Variants in NTM observed in about 807,000 individuals in gnomAD.
NTM encodes IgLON family member 2.
NTM carries 13 observed loss-of-function variants against 42.1 expected under a neutral mutation model. That is an observed-to-expected ratio of 0.31 (90% confidence interval 0.20 to 0.49). NTM has a LOEUF of 0.49. NTM is among the 20% of genes least tolerant of loss of function. The pLI, the probability that NTM is intolerant of heterozygous loss-of-function variation, is 0.99. For missense variants in NTM, 373 were observed against 452.8 expected (o/e 0.82, Z 1.60); for synonymous variants, 187 against 179.2 (o/e 1.04, Z -0.35).
chr11:131,910,583 G>T (rs1205426743), intron 1 of NTM, among the ~76,000 whole-genome samples: 1 of 151,070 alleles, frequency 6.6e-6, no homozygotes, highest in Admixed American at 6.6e-5. Flanking sequence ...CTGCTGCCAT[G>T]ACAACCCCGG....
At chr11:131,834,011 G>T (rs1336836405) in intron 1 of NTM, among the ~76,000 whole-genome samples, 1 of 152,138 alleles carries the variant, frequency 6.6e-6, no homozygotes, top group African/African-American at 2.4e-5. Context: ...AGCTTACATA[G>T]CCTCATGGCA....
chr11:132,231,286 G>A (rs114310909), intron 4 of NTM, among the ~76,000 whole-genome samples: 1 of 152,288 alleles, frequency 6.6e-6, no homozygotes, highest in African/African-American at 2.4e-5. Context: ...GTTGGTACAA[G>A]GGCTACCATT....
chr11:132,098,644 C>A (rs1455593777), intron 2 of NTM, among the ~76,000 whole-genome samples: 9 of 152,352 alleles, frequency 5.9e-5, no homozygotes, highest in Non-Finnish European at 1.0e-4. Context: ...GGCTACTAGC[C>A]CATAAAGTGC....
chr11:131,462,960 A>C (rs1311970980), intron 1 of NTM, among the ~76,000 whole-genome samples: 1 of 149,632 alleles, frequency 6.7e-6, no homozygotes, highest in Non-Finnish European at 1.5e-5. Context: ...TGAAAAAAAA[A>C]AAAAGAAGAT....
chr11:131,468,593 G>A (rs1036544037), intron 1 of NTM, among the ~76,000 whole-genome samples: 3 of 150,296 alleles, frequency 2.0e-5, no homozygotes, highest in Non-Finnish European at 2.9e-5. Flanking sequence ...AGTGAAAAAA[G>A]AGAGAAAATA....
chr11:132,020,506 G>A (rs529993119), intron 2 of NTM, among the ~76,000 whole-genome samples: 1 of 151,848 alleles, frequency 6.6e-6, no homozygotes, highest in South Asian at 2.1e-4. Context: ...GTCTATTTGA[G>A]TTAATGTTTA....
intron 3 of NTM, among the ~76,000 whole-genome samples, chr11:132,210,726 C>T (rs563297798): frequency 2.0e-4 from 30 of 152,258 alleles, no homozygotes; most frequent in South Asian, 1.2e-3. Context: ...GACTGGACCC[C>T]GGAAAGAAAC....
chr11:131,710,598 G>C (rs376837005), intron 1 of NTM, among the ~76,000 whole-genome samples: 6 of 152,274 alleles, frequency 3.9e-5, no homozygotes, highest in African/African-American at 1.4e-4. Flanking sequence ...CACTAATGGA[G>C]TGGTTTTCAA....
chr11:131,809,732 G>A (rs548119417), intron 1 of NTM, among the ~76,000 whole-genome samples: 3 of 152,224 alleles, frequency 2.0e-5, no homozygotes, highest in South Asian at 4.1e-4. Flanking sequence ...TTCTGCTAAC[G>A]GCACCAATAT....
chr11:132,270,503 A>C (rs961899669), intron 4 of NTM, among the ~76,000 whole-genome samples: 19 of 152,232 alleles, frequency 1.2e-4, no homozygotes, highest in African/African-American at 4.6e-4. Flanking sequence ...TGCTAAGATT[A>C]CAAGCATGAG....
intron 1 of NTM, among the ~76,000 whole-genome samples, chr11:131,624,889 G>T (rs559874199): frequency 1.3e-5 from 2 of 152,306 alleles, no homozygotes; most frequent in East Asian, 3.9e-4. Context: ...CAGGATTTCT[G>T]TCTCCACAGA....
At chr11:131,668,491 C>T (rs1435323817) in intron 1 of NTM, among the ~76,000 whole-genome samples, 3 of 152,150 alleles carry the variant, frequency 2.0e-5, no homozygotes, top group Admixed American at 6.5e-5. Context: ...ACAGCACCCG[C>T]GTGGCCACCG....
intron 1 of NTM, among the ~76,000 whole-genome samples, chr11:131,805,817 T>C (rs1052360355): frequency 2.0e-4 from 31 of 152,220 alleles, no homozygotes; most frequent in African/African-American, 7.0e-4. Flanking sequence ...ATACTTGTAT[T>C]GCTTGGGATA....
intron 1 of NTM, among the ~76,000 whole-genome samples, chr11:131,618,637 C>T (rs926930970): frequency 3.9e-5 from 6 of 152,276 alleles, no homozygotes; most frequent in African/African-American, 1.4e-4. Context: ...TTAAAACCTC[C>T]CCTATGCTCA....
chr11:132,028,829 C>T (rs950869091), intron 2 of NTM, among the ~76,000 whole-genome samples: 13 of 152,226 alleles, frequency 8.5e-5, no homozygotes, highest in Middle Eastern at 3.4e-3. Context: ...TTTGCTCTCC[C>T]CCTGCTGGAT....
chr11:131,450,272 G>A (rs1387059667), intron 1 of NTM, among the ~76,000 whole-genome samples: 2 of 152,198 alleles, frequency 1.3e-5, no homozygotes, highest in Non-Finnish European at 2.9e-5. Flanking sequence ...AGATGAGGAA[G>A]AAAGACAATG....
chr11:131,604,127 A>G (rs541662920), intron 1 of NTM, among the ~76,000 whole-genome samples: 11 of 152,324 alleles, frequency 7.2e-5, no homozygotes, highest in African/African-American at 2.4e-4. Context: ...TGGACACACC[A>G]TTTGACAGCC....
chr11:131,842,502 T>C (rs2044379916), intron 1 of NTM, among the ~76,000 whole-genome samples: 1 of 152,040 alleles, frequency 6.6e-6, no homozygotes, highest in Non-Finnish European at 1.5e-5. Flanking sequence ...TAGTCTCCCA[T>C]AAAATATGGT....
chr11:131,947,209 C>A (rs1020958280), intron 2 of NTM, among the ~76,000 whole-genome samples: 5 of 152,110 alleles, frequency 3.3e-5, no homozygotes, highest in Admixed American at 3.3e-4. Flanking sequence ...CAGAAAAAGG[C>A]CCCCTTCCTT....
Sources: gnomAD v4.1 joint callset for allele counts (sites outside exome capture counted in the v4.1 genomes callset) on GRCh38, gnomAD v4.1.1 for gene constraint, MANE v1.5 for transcripts, NCBI Gene and HGNC (gene_info 2026-07-23, HGNC 2026-07-21) for gene names.